The following TUSC3 variants were observed in gnomAD, a reference collection of about 807,000 sequenced individuals.
TUSC3 encodes tumor suppressor candidate 3.
TUSC3 carries 45 observed loss-of-function variants against 44.8 expected under a neutral mutation model. The ratio of observed to expected loss-of-function variants is 1.00; its 90% CI spans 0.79 to 1.29. The LOEUF (loss-of-function observed/expected upper bound fraction) is 1.29. TUSC3 is among the 50% of genes most tolerant of loss of function. TUSC3 has a pLI of 0.00. For missense variants in TUSC3, 519 were observed against 437.9 expected, an observed-to-expected ratio of 1.19 and a Z score of -1.65; for synonymous variants, 212 against 152.9, an observed-to-expected ratio of 1.39 and a Z score of -2.85.
At chr8:15,523,688 G>GTATATATATATA (rs1296439729) in intron 2 of TUSC3, among the ~76,000 whole-genome samples, 685 of 49,850 alleles carry the variant, frequency 0.014, 9 homozygotes, top group Middle Eastern at 0.021. Context: ...GTGTGTGTGT[G>GTATATATATATA]TGTGTGTGTG....
intron 2 of TUSC3, among the ~76,000 whole-genome samples, chr8:15,521,708 T>C (rs1801302535): frequency 6.6e-6 from 1 of 152,180 alleles, no homozygotes; most frequent in Admixed American, 6.5e-5. Flanking sequence ...GGGCCACTGG[T>C]TACACAAGCT....
Position 15,486,318 on chromosome 8 carries a change from G to A in TUSC3, n.189+2835G>A, listed in dbSNP as rs373255104. Among the ~76,000 whole-genome samples, 9 of 152,236 alleles carry A rather than the reference G, an allele frequency of 5.9e-5. 1 individual carries two copies. Among genetic ancestry groups the A allele is most frequent in the African/African-American group, 2.2e-4 (9 of 41,548 alleles). On this transcript the variant is annotated intron_variant and non_coding_transcript_variant, in intron 2 of 5. Coordinates refer to the TUSC3 transcript ENST00000503191. ...TGAAGCATGGTTTTCAGGGATAAGT[G>A]GTAATTAAAATGTGGTAACTGAAAT...
At chr8:15,614,654 T>G (rs1241675981) in intron 1 of TUSC3, among the ~76,000 whole-genome samples, 1 of 152,152 alleles carries the variant, frequency 6.6e-6, no homozygotes, top group African/African-American at 2.4e-5. Flanking sequence ...AGTATTCCAT[T>G]GTGTGGACCT....
chr8:15,657,598 C>G (rs541971667), intron 3 of TUSC3, among the ~76,000 whole-genome samples: 2 of 152,266 alleles, frequency 1.3e-5, no homozygotes, highest in South Asian at 4.1e-4. Context: ...GTAGACTTTC[C>G]TTGCACCTCC....
the TUSC3 span, among the ~76,000 whole-genome samples, chr8:15,840,144 G>A: frequency 1.5e-4 from 23 of 152,042 alleles, no homozygotes; most frequent in East Asian, 3.1e-3. Flanking sequence ...AACAAACACC[G>A]CATACTCTCA....
At chr8:15,425,038 A>T (rs2129115895) in intron 1 of TUSC3, among the ~76,000 whole-genome samples, 1 of 152,324 alleles carries the variant, frequency 6.6e-6, no homozygotes, top group South Asian at 2.1e-4. Flanking sequence ...AACTCTGCTT[A>T]TGAAGGTCAG....
At chr8:15,738,002 T>TA (rs748628205) in intron 7 of TUSC3, among the ~76,000 whole-genome samples, 9 of 152,270 alleles carry the variant, frequency 5.9e-5, no homozygotes, top group Middle Eastern at 3.4e-3. Context: ...GGCCTTGAGT[T>TA]AAAAAATGTA....
At chr8:15,502,064 T>A (rs1318973976) in intron 2 of TUSC3, among the ~76,000 whole-genome samples, 12 of 152,220 alleles carry the variant, frequency 7.9e-5, no homozygotes, top group Admixed American at 7.9e-4. Context: ...ATCACTTATG[T>A]GTTATCACCA....
At chr8:15,445,840 C>T (rs1218251290) in intron 1 of TUSC3, among the ~76,000 whole-genome samples, 1 of 152,246 alleles carries the variant, frequency 6.6e-6, no homozygotes, top group Non-Finnish European at 1.5e-5. Flanking sequence ...GTACACCTCC[C>T]AGATGGTAGA....
the TUSC3 span, among the ~76,000 whole-genome samples, chr8:15,800,026 A>G: frequency 6.6e-6 from 1 of 152,166 alleles, no homozygotes; most frequent in African/African-American, 2.4e-5. Flanking sequence ...CCAATTGTTT[A>G]TAACGGGCAG....
chr8:15,418,693 C>A (rs1479677336), intron 1 of TUSC3, among the ~76,000 whole-genome samples: 4 of 152,068 alleles, frequency 2.6e-5, no homozygotes, highest in African/African-American at 7.2e-5. Context: ...TTTGTCAATA[C>A]CTAAGAGTTA....
chr8:15,785,443 T>G, the TUSC3 span, among the ~76,000 whole-genome samples: 1 of 151,532 alleles, frequency 6.6e-6, no homozygotes, highest in East Asian at 1.9e-4. Flanking sequence ...TTGTGGACAC[T>G]TTTTTCATTC....
chr8:15,821,947 T>C, the TUSC3 span, among the ~76,000 whole-genome samples: 2 of 152,300 alleles, frequency 1.3e-5, no homozygotes, highest in East Asian at 3.9e-4. Flanking sequence ...GGGTGACCTC[T>C]TGGGATGCCG....
intron 1 of TUSC3, among the ~76,000 whole-genome samples, chr8:15,602,005 T>C (rs1362130069): frequency 1.3e-5 from 2 of 151,570 alleles, no homozygotes; most frequent in Non-Finnish European, 3.0e-5. Flanking sequence ...ATCCCTGATC[T>C]AAAAATACGA....
intron 10 of TUSC3, among the ~76,000 whole-genome samples, chr8:15,758,556 C>G (rs1585311228): frequency 6.6e-6 from 1 of 151,928 alleles, no homozygotes; most frequent in African/African-American, 2.4e-5. Flanking sequence ...AGACTTAATT[C>G]CATTGTGGTA....
At chr8:15,528,204 A>C (rs1801401331) in intron 2 of TUSC3, among the ~76,000 whole-genome samples, 1 of 152,210 alleles carries the variant, frequency 6.6e-6, no homozygotes, top group Non-Finnish European at 1.5e-5. Flanking sequence ...TGAAAAAAAA[A>C]CTTTCCATCA....
At chr8:15,424,251 G>A (rs1232687150) in intron 1 of TUSC3, among the ~76,000 whole-genome samples, 1 of 151,756 alleles carries the variant, frequency 6.6e-6, no homozygotes, top group Non-Finnish European at 1.5e-5. Flanking sequence ...CTCCCAAAGT[G>A]GCATTCATAC....
At chr8:15,815,686 C>T in the TUSC3 span, among the ~76,000 whole-genome samples, 1 of 152,070 alleles carries the variant, frequency 6.6e-6, no homozygotes, top group African/African-American at 2.4e-5. Flanking sequence ...TCAGCAATTC[C>T]CATCTCTTAT....
chr8:15,540,129 G>GC, upstream of TUSC3: 1 of 367,748 alleles, frequency 2.7e-6, no homozygotes, highest in Non-Finnish European at 4.9e-6. Context: ...TCTCCTCAGC[G>GC]CTGGTCCGGG....
Sources: gnomAD v4.1 joint callset for allele counts (sites outside exome capture counted in the v4.1 genomes callset) on GRCh38, gnomAD v4.1.1 for gene constraint, MANE v1.5 for transcripts, NCBI Gene and HGNC (gene_info 2026-07-23, HGNC 2026-07-21) for gene names.